The following ERBB4 variants were observed in gnomAD, a reference collection of about 807,000 sequenced individuals.
The protein encoded by ERBB4 is receptor tyrosine-protein kinase erbB-4.
Under a neutral mutation model 158.0 loss-of-function variants are expected in ERBB4, and 42 were observed. That is an observed-to-expected ratio of 0.27 (90% confidence interval 0.21 to 0.34). The LOEUF (loss-of-function observed/expected upper bound fraction) is 0.34. Ranked by LOEUF, ERBB4 falls within the 10% of genes least tolerant of loss-of-function variation. ERBB4 has a pLI of 1.00. For synonymous variants in ERBB4, 583 were observed against 558.7 expected (o/e 1.04, Z -0.61); for missense variants, 1,333 against 1,624.1 (o/e 0.82, Z 3.08).
In ERBB4 at chr2:211,375,816, T is replaced by C; in HGVS notation, c.*7799A>G. On this transcript the variant is annotated 3_prime_UTR_variant, in exon 28 of 28. Transcript: ENST00000342788. ...AAAAGGCAGAACAGTTTTCAAATTG[T>C]TCAGCTGGGATGATCAGTATGGAAT... 1 of 232,492 alleles carries C rather than the reference T, an allele frequency of 4.3e-6. No individual in the cohort carries two copies. The allele number at this position is 232,492 out of a possible 1,614,324, so 14.4% of individuals were successfully genotyped here. A position where few individuals can be genotyped will look rare whatever the true frequency, so the allele number is the denominator to read the frequency against.
intron 2 of ERBB4, among the ~76,000 whole-genome samples, chr2:211,953,393 T>C (rs1575428371): frequency 8.1e-6 from 1 of 122,806 alleles, no homozygotes; most frequent in Non-Finnish European, 1.7e-5. Flanking sequence ...TTTAAAAAAG[T>C]AAATAAAACA....
At chr2:211,797,732 T>C (rs534933888) in intron 3 of ERBB4, among the ~76,000 whole-genome samples, 5 of 151,764 alleles carry the variant, frequency 3.3e-5, no homozygotes, top group Admixed American at 1.3e-4. Context: ...CTTTACAAAA[T>C]AAGAAATTAA....
chr2:211,647,765 T>C (rs1023485694), intron 16 of ERBB4, among the ~76,000 whole-genome samples: 3 of 151,768 alleles, frequency 2.0e-5, no homozygotes, highest in African/African-American at 7.2e-5. Flanking sequence ...ACATTGATAA[T>C]ACTAAATATT....
At chr2:212,234,663 T>C (rs2083789964) in intron 1 of ERBB4, among the ~76,000 whole-genome samples, 1 of 152,198 alleles carries the variant, frequency 6.6e-6, no homozygotes, top group Non-Finnish European at 1.5e-5. Context: ...GACTTTTTCA[T>C]GATCGCCATT....
chr2:212,291,513 T>A (rs570622446), intron 1 of ERBB4, among the ~76,000 whole-genome samples: 1 of 152,234 alleles, frequency 6.6e-6, no homozygotes, highest in Non-Finnish European at 1.5e-5. Flanking sequence ...TAAAACATGC[T>A]TTAATTGTGT....
chr2:212,101,397 G>C (rs2079079300), intron 2 of ERBB4, among the ~76,000 whole-genome samples: 1 of 125,784 alleles, frequency 8.0e-6, no homozygotes, highest in African/African-American at 2.9e-5. Flanking sequence ...TTTTAACATA[G>C]AAAAGACAAA....
chr2:211,524,711 T>C (rs1344645214), intron 20 of ERBB4, among the ~76,000 whole-genome samples: 1 of 147,352 alleles, frequency 6.8e-6, no homozygotes, highest in African/African-American at 2.6e-5. Context: ...GAACTCCAGC[T>C]GGCCCGCAAG....
intron 1 of ERBB4, among the ~76,000 whole-genome samples, chr2:212,505,047 A>G (rs1290307806): frequency 6.6e-6 from 1 of 152,164 alleles, no homozygotes; most frequent in Non-Finnish European, 1.5e-5. Flanking sequence ...TTAAACAAAT[A>G]TACAACTGTT....
intron 1 of ERBB4, among the ~76,000 whole-genome samples, chr2:212,206,589 C>T (rs867472649): frequency 4.8e-4 from 56 of 116,412 alleles, no homozygotes; most frequent in African/African-American, 9.4e-4. Context: ...CTGTTCTGTT[C>T]TTTTTTTTTT....
chr2:211,910,812 G>A (rs2079523979), intron 3 of ERBB4, among the ~76,000 whole-genome samples: 1 of 152,090 alleles, frequency 6.6e-6, no homozygotes, highest in East Asian at 1.9e-4. Context: ...CTAGACCCAT[G>A]TAACTAAAAT....
chr2:212,361,846 A>G (rs2089698680), intron 1 of ERBB4, among the ~76,000 whole-genome samples: 1 of 151,730 alleles, frequency 6.6e-6, no homozygotes, highest in South Asian at 2.1e-4. Flanking sequence ...TATGAAAAAC[A>G]GCAGAAGTGT....
At chr2:212,286,359 A>G (rs7567488) in intron 1 of ERBB4, among the ~76,000 whole-genome samples, 1,916 of 152,216 alleles carry the variant, frequency 0.013, 29 homozygotes, top group African/African-American at 0.043. Flanking sequence ...AATTCAGTGA[A>G]CACATCAAAG....
chr2:211,783,077 T>TCCTTCACAGAAGGA (rs1436708345), intron 4 of ERBB4, among the ~76,000 whole-genome samples: 1 of 152,170 alleles, frequency 6.6e-6, no homozygotes, highest in East Asian at 1.9e-4. Flanking sequence ...CTTGAAGAGG[T>TCCTTCACAGAAGGA]CCTTCACATC....
chr2:211,974,192 A>T (rs990282283), intron 2 of ERBB4, among the ~76,000 whole-genome samples: 2 of 152,198 alleles, frequency 1.3e-5, no homozygotes, highest in African/African-American at 4.8e-5. Context: ...ACAAAAGTTT[A>T]CCTATGTAAC....
At chr2:212,036,566 G>A (rs1025323209) in intron 2 of ERBB4, among the ~76,000 whole-genome samples, 26 of 151,552 alleles carry the variant, frequency 1.7e-4, no homozygotes, top group African/African-American at 6.1e-4. Context: ...CCGGGTTCAC[G>A]TTATTCTCCT....
intron 2 of ERBB4, among the ~76,000 whole-genome samples, chr2:212,086,096 C>G (rs79260228): frequency 0.16 from 23,603 of 151,824 alleles, 2,274 homozygotes; most frequent in Non-Finnish European, 0.22. Context: ...GGTGACTCAA[C>G]CTCCTTTTCT....
chr2:212,503,352 G>C (rs1028284431), intron 1 of ERBB4, among the ~76,000 whole-genome samples: 10 of 152,104 alleles, frequency 6.6e-5, no homozygotes, highest in African/African-American at 2.4e-4. Context: ...TTCCCTGCCA[G>C]TCTAAATGTT....
chr2:212,206,869 T>A (rs1161011036), intron 1 of ERBB4, among the ~76,000 whole-genome samples: 2 of 152,014 alleles, frequency 1.3e-5, no homozygotes, highest in Non-Finnish European at 2.9e-5. Flanking sequence ...ATTACAGGCA[T>A]GAGCCACCGC....
intron 3 of ERBB4, among the ~76,000 whole-genome samples, chr2:211,915,658 G>A (rs966519462): frequency 1.3e-5 from 2 of 151,788 alleles, no homozygotes; most frequent in African/African-American, 4.8e-5. Flanking sequence ...GTCTGGGCAG[G>A]CCAAGTTTAA....
Sources: gnomAD v4.1 joint callset for allele counts (sites outside exome capture counted in the v4.1 genomes callset) on GRCh38, gnomAD v4.1.1 for gene constraint, MANE v1.5 for transcripts, NCBI Gene and HGNC (gene_info 2026-07-23, HGNC 2026-07-21) for gene names.